TET1: variants seen among roughly 807,000 people sequenced by gnomAD.
The protein encoded by TET1 is tet methylcytosine dioxygenase 1, also known as methylcytosine dioxygenase TET1.
TET1 carries 13 observed loss-of-function variants against 148.7 expected under a neutral mutation model. That is an observed-to-expected ratio of 0.09 (90% CI 0.06 to 0.14). The LOEUF (loss-of-function observed/expected upper bound fraction) is 0.14, where lower values mean the gene tolerates loss of function less well. TET1 is among the 10% of genes least tolerant of loss of function. The pLI is 1.00. For synonymous variants in TET1, 907 were observed against 937.2 expected, an observed-to-expected ratio of 0.97 and a Z score of 0.59; for missense variants, 2,182 against 2,553.8, an observed-to-expected ratio of 0.85 and a Z score of 3.14.
At chr10:68,672,607 A>C (rs1462921465) in intron 7 of TET1, among the ~76,000 whole-genome samples, 1 of 151,082 alleles carries the variant, frequency 6.6e-6, no homozygotes, top group Admixed American at 6.6e-5. Context: ...AGATCTGTAT[A>C]GTTTATTCCC....
At chr10:68,619,316 G>A (rs1054156729) in intron 3 of TET1, among the ~76,000 whole-genome samples, 12 of 152,030 alleles carry the variant, frequency 7.9e-5, no homozygotes, top group African/African-American at 2.4e-4. Flanking sequence ...TGTAACCTCC[G>A]CCTCCCGGGC....
At chr10:68,610,086 A>G (rs1002657232) in intron 3 of TET1, among the ~76,000 whole-genome samples, 12 of 152,164 alleles carry the variant, frequency 7.9e-5, no homozygotes, top group Non-Finnish European at 1.3e-4. Flanking sequence ...GATCAAGATC[A>G]TCCTGGCTAA....
intron 11 of TET1, among the ~76,000 whole-genome samples, chr10:68,688,660 G>T (rs534716067): frequency 6.6e-6 from 1 of 151,424 alleles, no homozygotes; most frequent in African/African-American, 2.4e-5. Flanking sequence ...GGATGGTCTC[G>T]ATCTCCTGAC....
Position 68,573,380 on chromosome 10 carries a change from G to A in TET1, c.1042G>A (p.Ala348Thr). The change falls in exon 2 of 12, where the codon GCC (alanine) becomes ACC (threonine). Residue 348 changes from alanine (A) to threonine (T), a missense_variant. Transcript: ENST00000373644. ...TLGAKPDHQE[A>T]FEATANQQEV... ...TGGTGCTAAACCAGATCATCAAGAGGCCTTCGAAGCTACTGCAAATCAACA... is the reference window on the plus strand; with the variant it reads ...TGGTGCTAAACCAGATCATCAAGAGACCTTCGAAGCTACTGCAAATCAACA... The A allele has an allele frequency of 1.2e-6, 2 of 1,614,092 alleles. No homozygotes were observed. Among genetic ancestry groups the A allele is most frequent in the South Asian group, 1.1e-5 (1 of 91,072 alleles).
chr10:68,670,370 G>C (rs776745324), intron 7 of TET1, among the ~76,000 whole-genome samples: 1 of 152,170 alleles, frequency 6.6e-6, no homozygotes, highest in Non-Finnish European at 1.5e-5. Flanking sequence ...TCTATAGACT[G>C]TTAATCAATT....
chr10:68,609,776 T>G (rs1294472707), intron 3 of TET1, among the ~76,000 whole-genome samples: 1 of 152,054 alleles, frequency 6.6e-6, no homozygotes, highest in African/African-American at 2.4e-5. Flanking sequence ...TTTTAAAATA[T>G]TTCATTTATT....
chr10:68,671,927 A>G (rs537848373), intron 7 of TET1, among the ~76,000 whole-genome samples: 33 of 152,224 alleles, frequency 2.2e-4, no homozygotes, highest in African/African-American at 7.0e-4. Flanking sequence ...TACTTTTAGT[A>G]GAGATGGGGT....
intron 2 of TET1, among the ~76,000 whole-genome samples, chr10:68,590,834 T>C (rs2053910409): frequency 6.7e-6 from 1 of 149,156 alleles, no homozygotes; most frequent in Admixed American, 6.7e-5. Flanking sequence ...AAAGCTATTT[T>C]CTTTTTTTTT....
chr10:68,652,128 A>G (rs889917391), intron 5 of TET1, among the ~76,000 whole-genome samples, 192 bp downstream of exon 5: 1 of 152,208 alleles, frequency 6.6e-6, no homozygotes, highest in Non-Finnish European at 1.5e-5. Context: ...GCTGTTGGGC[A>G]CATAAAAGCA....
intron 4 of TET1, among the ~76,000 whole-genome samples, chr10:68,649,935 G>A (rs1420761329): frequency 6.6e-6 from 1 of 152,020 alleles, no homozygotes; most frequent in Non-Finnish European, 1.5e-5. Flanking sequence ...TGTAGAAAAA[G>A]GCACTTAAAG....
In TET1 at chr10:68,681,473, A is replaced by G; in HGVS notation, c.4899A>G (p.Val1633=). 6.2e-7 allele frequency: 1 copy of G among 1,612,294 alleles called. No individual in the cohort carries two copies. Among genetic ancestry groups the G allele is most frequent in the Non-Finnish European group, 8.5e-7 (1 of 1,178,578 alleles). Residue 1633 remains valine, a synonymous_variant, in exon 9 of 12, where the codon GTA becomes GTG. Transcript: ENST00000373644. ...LAPIYKQYAP[V]AYQNQVEYEN... The stretch of plus-strand genomic sequence containing the variant: ...CAATTTATAAGCAGTATGCTCCAGT[A>G]GCTTACCAAAATCAGGTATGTATTG...
At chr10:68,684,390 TTG>T (rs1491319421) in intron 10 of TET1, among the ~76,000 whole-genome samples, 4 of 149,916 alleles carry the variant, frequency 2.7e-5, no homozygotes, top group African/African-American at 9.7e-5. Context: ...TTTTTTTTTT[TTG>T]CGTATCATTC....
intron 3 of TET1, among the ~76,000 whole-genome samples, chr10:68,616,697 A>G (rs2054295058): frequency 6.6e-6 from 1 of 151,980 alleles, no homozygotes; most frequent in African/African-American, 2.4e-5. Context: ...AAGTATGCCC[A>G]GATAATATTT....
At position 68,645,493 on chromosome 10, in the gene TET1, A is replaced by C; in HGVS notation, c.2764A>C (p.Arg922=). ...AGAGAAGGATGAGGAATCAGAGCAG[A>C]GAACAGCCAGTTTGCTTAATAGCTG... ...KSEKDEESEQ[R]TASLLNSCKA... The change falls in exon 4 of 12, where the codon AGA becomes CGA. Residue 922 remains arginine (R), a synonymous_variant. Transcript: ENST00000373644. 1 of 1,614,004 alleles carries C rather than the reference A, an allele frequency of 6.2e-7. No individual in the cohort carries two copies. Among genetic ancestry groups the C allele is most frequent in the African/African-American group, 1.3e-5 (1 of 75,074 alleles).
At chr10:68,672,487 CAAAAAAA>C (rs71483920) in intron 7 of TET1, among the ~76,000 whole-genome samples, 6 of 49,734 alleles carry the variant, frequency 1.2e-4, no homozygotes, top group South Asian at 1.3e-3. Context: ...GACCCCATCT[CAAAAAAA>C]AAAAAAAAAA....
At chr10:68,621,871 G>T (rs1003248270) in intron 3 of TET1, among the ~76,000 whole-genome samples, 2 of 152,172 alleles carry the variant, frequency 1.3e-5, no homozygotes, top group African/African-American at 4.8e-5. Context: ...GAGAAAAAGG[G>T]TCTTGGGAAC....
intron 2 of TET1, among the ~76,000 whole-genome samples, chr10:68,576,988 A>T (rs909696947): frequency 1.3e-5 from 2 of 151,770 alleles, no homozygotes; most frequent in African/African-American, 4.8e-5. Flanking sequence ...GGCTCACTGC[A>T]AGCTCTGCCT....
chr10:68,567,759 TA>T (rs200032501), intron 1 of TET1, among the ~76,000 whole-genome samples: 72 of 145,426 alleles, frequency 5.0e-4, no homozygotes, highest in African/African-American at 6.3e-4. Context: ...TCTTAAAAAT[TA>T]AAAAAAAAAA....
chr10:68,628,727 A>G (rs966121670), intron 3 of TET1, among the ~76,000 whole-genome samples: 2 of 152,206 alleles, frequency 1.3e-5, no homozygotes, highest in African/African-American at 4.8e-5. Context: ...TCGAATAACA[A>G]GGGCATTCTA....
Sources: allele counts gnomAD v4.1 joint callset (sites outside exome capture counted in the v4.1 genomes callset), GRCh38; gene constraint gnomAD v4.1.1; transcripts MANE v1.5; gene names NCBI Gene and HGNC (gene_info 2026-07-23, HGNC 2026-07-21).